The following COL4A1 variants were observed in gnomAD, a reference collection of about 807,000 sequenced individuals.
COL4A1 encodes collagen alpha-1(IV) chain.
COL4A1 carries 40 observed loss-of-function variants against 216.6 expected under a neutral mutation model. The observed-to-expected ratio is 0.18, with a 90% CI of 0.14 to 0.24. The LOEUF (loss-of-function observed/expected upper bound fraction) is 0.24, where lower values mean the gene tolerates loss of function less well. Ranked by LOEUF, COL4A1 falls within the 10% of genes least tolerant of loss-of-function variation. The pLI, the probability that COL4A1 is intolerant of heterozygous loss-of-function variation, is 1.00. For synonymous variants in COL4A1, 839 were observed against 810.7 expected (o/e 1.03, Z -0.59); for missense variants, 1,628 against 2,196.8 (o/e 0.74, Z 5.18).
intron 20 of COL4A1, among the ~76,000 whole-genome samples, chr13:110,199,779 G>C (rs1405488839): frequency 6.6e-6 from 1 of 152,226 alleles, no homozygotes; most frequent in Non-Finnish European, 1.5e-5. Context: ...TCTGGGTTAA[G>C]AGACCACTAA....
chr13:110,256,624 A>G (rs1594096304), intron 1 of COL4A1, among the ~76,000 whole-genome samples: 1 of 152,218 alleles, frequency 6.6e-6, no homozygotes. Flanking sequence ...GGAAGTTTAA[A>G]GAGGGTTGAA....
At chr13:110,243,076 T>C (rs1472478763) in intron 1 of COL4A1, among the ~76,000 whole-genome samples, 1 of 152,232 alleles carries the variant, frequency 6.6e-6, no homozygotes, top group Non-Finnish European at 1.5e-5. Context: ...AACACCCATA[T>C]TTGCAAAGCT....
intron 37 of COL4A1, 127 bp downstream of exon 37, chr13:110,175,091 G>T: frequency 1.6e-6 from 2 of 1,213,852 alleles, no homozygotes; most frequent in Non-Finnish European, 2.4e-6. Context: ...GGCGACTTGT[G>T]CTGCCTTATG....
At chr13:110,269,272 T>C (rs1883156141) in intron 1 of COL4A1, among the ~76,000 whole-genome samples, 1 of 152,178 alleles carries the variant, frequency 6.6e-6, no homozygotes. Flanking sequence ...CCCTTGTTTA[T>C]GATATAATTT....
At chr13:110,243,405 C>G (rs1881650801) in intron 1 of COL4A1, among the ~76,000 whole-genome samples, 1 of 152,068 alleles carries the variant, frequency 6.6e-6, no homozygotes, top group African/African-American at 2.4e-5. Context: ...GCAACCTCCA[C>G]CTCTCCAGTT....
intron 1 of COL4A1, among the ~76,000 whole-genome samples, chr13:110,273,235 C>T (rs958363452): frequency 2.0e-5 from 3 of 152,050 alleles, no homozygotes; most frequent in African/African-American, 4.8e-5. Flanking sequence ...TTGTGGGTAC[C>T]GAAATGGAGA....
intron 1 of COL4A1, among the ~76,000 whole-genome samples, chr13:110,256,722 T>C (rs1026243704): frequency 1.3e-5 from 2 of 150,618 alleles, no homozygotes; most frequent in African/African-American, 4.9e-5. Flanking sequence ...AGCTACACTC[T>C]ATTCATGCCC....
intron 15 of COL4A1, 36 bp downstream of exon 15, chr13:110,206,629 T>C (rs542450737): frequency 1.9e-5 from 31 of 1,610,656 alleles, no homozygotes; most frequent in Admixed American, 1.0e-4. Context: ...GGAAGGAGAA[T>C]TGTTTTATGA....
At position 110,181,382 on chromosome 13, in the gene COL4A1, G is replaced by C; in HGVS notation, c.2103C>G (p.Asp701Glu). ...GTGGCCCCATGTCTCCAGGTAAGCC[G>C]TCAACACCTGTTTTAAAGAGTCAAA... ...FPGPPGPKGV[D>E]GLPGDMGPPG... is the part of the protein sequence containing the mutation. The change falls in exon 29 of 52, where the codon GAC becomes GAG. Residue 701 changes from aspartate (D) to glutamate (E), a missense_variant. This residue lies in a region of COL4A1 where 701 missense variants were observed against 892.5 expected (regional missense o/e 0.79). Coordinates refer to ENST00000375820, the MANE Select transcript of COL4A1 (RefSeq NM_001845.6). 1 of 1,611,386 alleles carries C rather than the reference G, an allele frequency of 6.2e-7. No individual in the cohort carries two copies. The highest frequency in any genetic ancestry group is 1.7e-5 in the Admixed American group (1 of 59,810).
intron 23 of COL4A1, 106 bp from the exon 24 acceptor site, chr13:110,192,390 T>C (rs868694654): frequency 9.5e-7 from 1 of 1,048,876 alleles, no homozygotes; most frequent in African/African-American, 1.6e-5. Flanking sequence ...AGGAAGTGGA[T>C]GATTGCTTGG....
intron 2 of COL4A1, among the ~76,000 whole-genome samples, chr13:110,236,886 CT>C (rs1241548879): frequency 6.6e-6 from 1 of 152,194 alleles, no homozygotes. Flanking sequence ...CTGGGCACCC[CT>C]AACCTGTCTC....
chr13:110,274,697 T>C (rs1280124453), intron 1 of COL4A1, among the ~76,000 whole-genome samples: 1 of 152,186 alleles, frequency 6.6e-6, no homozygotes, highest in African/African-American at 2.4e-5. Context: ...AAGAGTGGCC[T>C]GGCTGTGCAC....
Position 110,268,405 on chromosome 13 carries a change from TG to T in COL4A1, c.85-25672del, listed in dbSNP as rs1388913338. Among the ~76,000 whole-genome samples, 1 of 152,168 alleles carries T rather than the reference TG, an allele frequency of 6.6e-6. No homozygotes were observed. Among genetic ancestry groups the T allele is most frequent in the Non-Finnish European group, 1.5e-5 (1 of 68,030 alleles). On this transcript the variant is annotated intron_variant, in intron 1 of 51. Coordinates refer to ENST00000375820, the MANE Select transcript of COL4A1 (RefSeq NM_001845.6). This position sits in a 1 kb window ranked among gnomAD's most constrained non-coding sequence, Gnocchi z 4.1. ...GGAGGTGAGTATGCAGAAGCCGGCATGGCCAGCTCTCTGCTCTCTTTAGAGA... is the reference window on the plus strand; with the variant it reads ...GGAGGTGAGTATGCAGAAGCCGGCATGCCAGCTCTCTGCTCTCTTTAGAGA...
intron 1 of COL4A1, among the ~76,000 whole-genome samples, chr13:110,281,671 C>T (rs1883639731): frequency 1.3e-5 from 2 of 152,052 alleles, no homozygotes; most frequent in Non-Finnish European, 2.9e-5. Flanking sequence ...AAAGTCTTAC[C>T]CACTTTACCT....
intron 1 of COL4A1, among the ~76,000 whole-genome samples, chr13:110,277,971 T>C (rs552463): frequency 0.13 from 20,285 of 152,232 alleles, 1,527 homozygotes; most frequent in East Asian, 0.34. Context: ...TCTAAAAAAT[T>C]CTTTCCTATT....
intron 47 of COL4A1, among the ~76,000 whole-genome samples, chr13:110,163,258 T>G (rs1877168734): frequency 6.6e-6 from 1 of 152,254 alleles, no homozygotes; most frequent in Admixed American, 6.5e-5. Flanking sequence ...ACGTACACTT[T>G]GATCAATATC....
intron 24 of COL4A1, among the ~76,000 whole-genome samples, chr13:110,188,642 C>T (rs1171616090): frequency 1.3e-5 from 2 of 152,220 alleles, no homozygotes; most frequent in African/African-American, 4.8e-5. Flanking sequence ...ATGCCTGTGC[C>T]TCTGGAGTGC....
At chr13:110,158,244 A>C (rs1381991697) in intron 49 of COL4A1, among the ~76,000 whole-genome samples, 1 of 152,266 alleles carries the variant, frequency 6.6e-6, no homozygotes, top group African/African-American at 2.4e-5. Flanking sequence ...CTCAAAAAAA[A>C]TCAAAGAAAA....
Position 110,212,610 on chromosome 13 carries a change from C to G in COL4A1, c.288G>C (p.Pro96=). The change falls in exon 5 of 52, where the codon CCG becomes CCC. Residue 96 remains proline, a synonymous_variant. Coordinates refer to ENST00000375820, the MANE Select transcript of COL4A1 (RefSeq NM_001845.6). ...LPGTKGTRGP[P]GASGYPGNPG... is the part of the protein sequence containing the mutation. ...GGTTTCCAGGGTAGCCAGATGCTCC[C>G]GGAGGTCCCTGTGAGGGCGGAAGTA... 1 of 1,614,048 alleles carries G rather than the reference C, an allele frequency of 6.2e-7. No homozygotes were observed. Among genetic ancestry groups the G allele is most frequent in the Non-Finnish European group, 8.5e-7 (1 of 1,180,030 alleles).
Sources: gnomAD v4.1 joint callset for allele counts (sites outside exome capture counted in the v4.1 genomes callset) on GRCh38, gnomAD v4.1.1 for gene constraint, gnomAD v4.1.1 regional missense constraint, Gnocchi (gnomAD v3.1) non-coding constraint, MANE v1.5 for transcripts, NCBI Gene and HGNC (gene_info 2026-07-23, HGNC 2026-07-21) for gene names.